The following KAT14 variants were observed in gnomAD, a reference collection of about 807,000 sequenced individuals.
The protein encoded by KAT14 is lysine acetyltransferase 14.
A neutral mutation model predicts 78.4 loss-of-function variants in KAT14; 66 were observed. The observed-to-expected ratio is 0.84, with a 90% CI of 0.69 to 1.03. The LOEUF is 1.03. Among genes scored for constraint, KAT14 ranks in the 50% least tolerant of loss-of-function variants. The pLI is 0.00. For missense variants in KAT14, 870 were observed against 972.5 expected (o/e 0.89, Z 1.40); for synonymous variants, 344 against 359.4 (o/e 0.96, Z 0.48).
At chr20:18,152,090 T>C (rs2038069110) in intron 4 of KAT14, among the ~76,000 whole-genome samples, 2 of 152,144 alleles carry the variant, frequency 1.3e-5, no homozygotes, top group African/African-American at 4.8e-5. Context: ...AGAGTTGTAT[T>C]ACATGAGACT....
chr20:18,159,520 G>T (rs960533271), intron 5 of KAT14, among the ~76,000 whole-genome samples: 5 of 152,152 alleles, frequency 3.3e-5, no homozygotes, highest in African/African-American at 1.2e-4. Context: ...TTTCCATCTG[G>T]TTTTTGTTTT....
At position 18,150,941 on chromosome 20, in the gene KAT14, AGGT is replaced by A; in HGVS notation, c.500_500+2del. On this transcript the variant is annotated splice_donor_variant and coding_sequence_variant, in exon 4 of 11. Coordinates refer to ENST00000688188, the MANE Select transcript of KAT14 (RefSeq NM_001392073.1). LOFTEE classifies it high-confidence loss of function. ...ACATTGGACTTTTTTACTAGGGAAT[AGGT>A]AATGTGTTTTTAAAAAATCTTATAC... The A allele has an allele frequency of 1.9e-6, 3 of 1,613,736 alleles. No individual in the cohort carries two copies. The highest frequency in any genetic ancestry group is 2.5e-6 in the Non-Finnish European group (3 of 1,179,804).
At chr20:18,159,705 C>G (rs974553961) in intron 5 of KAT14, among the ~76,000 whole-genome samples, 1 of 152,146 alleles carries the variant, frequency 6.6e-6, no homozygotes, top group Non-Finnish European at 1.5e-5. Flanking sequence ...TATTTAGAAA[C>G]AAATCCCAGG....
chr20:18,178,108 A>AG (rs1359847149), intron 7 of KAT14, among the ~76,000 whole-genome samples: 1 of 186 alleles, frequency 5.4e-3, no homozygotes, highest in African/African-American at 8.3e-3. Context: ...ACTCTATCTC[A>AG]AAAAAAAAAC....
At chr20:18,160,755 C>G (rs1193844023) in intron 5 of KAT14, among the ~76,000 whole-genome samples, 3 of 151,998 alleles carry the variant, frequency 2.0e-5, no homozygotes, top group Admixed American at 6.6e-5. Flanking sequence ...CCTTTTGTTA[C>G]TTTAAACAGT....
intron 4 of KAT14, 97 bp downstream of exon 4, chr20:18,151,039 A>G (rs1284045080): frequency 1.3e-6 from 2 of 1,486,434 alleles, no homozygotes; most frequent in Non-Finnish European, 1.8e-6. Flanking sequence ...TTAGAGATTT[A>G]TTTTAATTTT....
chr20:18,186,938 T>G (rs1296059706), intron 10 of KAT14, among the ~76,000 whole-genome samples: 1 of 152,228 alleles, frequency 6.6e-6, no homozygotes, highest in Non-Finnish European at 1.5e-5. Flanking sequence ...TTTGTATTTA[T>G]TCAAGGTTAT....
Position 18,163,092 on chromosome 20 carries a change from C to G in KAT14, c.1668+147C>G, listed in dbSNP as rs552028615. 3.7e-6 allele frequency: 4 copies of G among 1,079,484 alleles called. No homozygotes were observed. The African/African-American group carries it at 6.4e-5, about 17-fold the overall frequency. 66.9% of individuals were successfully genotyped at this position (1,079,484 alleles called of 1,614,324 possible). ...AAGTAAAGTGCAAGGGAAAAAAATA[C>G]AAAAATCGCTGGGCTTTATTTTTCA... On this transcript the variant is annotated intron_variant, in intron 7 of 10. Transcript: ENST00000688188.
Position 18,143,608 on chromosome 20 carries a change from C to G in KAT14, c.259+689C>G, listed in dbSNP as rs1426278480. Reference sequence around the variant, plus strand: ...GGGATTATAGTGTTTGCCAGCACACCTGGCTAATTTTTTTTTTTATTTTAT... The same window carrying G: ...GGGATTATAGTGTTTGCCAGCACACGTGGCTAATTTTTTTTTTTATTTTAT... On this transcript the variant is annotated intron_variant, in intron 2 of 10. Coordinates refer to ENST00000688188, the MANE Select transcript of KAT14 (RefSeq NM_001392073.1). Among the ~76,000 whole-genome samples the G allele has an allele frequency of 3.6e-5, 5 of 140,818 alleles. No homozygotes were observed. The East Asian group carries it at 6.0e-4, about 17-fold the overall frequency. 92.4% of individuals were successfully genotyped at this position (140,818 alleles called of 152,430 possible). A position where few individuals can be genotyped will look rare whatever the true frequency, so the allele number is the denominator to read the frequency against.
Position 18,153,145 on chromosome 20 carries a change from C to T in KAT14, c.500+2203C>T, listed in dbSNP as rs557546638. 5.2e-4 allele frequency among the ~76,000 whole-genome samples: 79 copies of T among 152,286 alleles called. 1 individual carries two copies. Among genetic ancestry groups the T allele is most frequent in the Non-Finnish European group, 1.0e-3 (70 of 68,028 alleles). On this transcript the variant is annotated intron_variant, in intron 4 of 10. Coordinates refer to ENST00000688188, the MANE Select transcript of KAT14 (RefSeq NM_001392073.1). ...AGGGCAGGGAGTTCATGCCTTTCCT[C>T]ACTTGGGGTTCACTGCAGCCTCTGT...
chr20:18,140,979 T>G, intron 1 of KAT14, among the ~76,000 whole-genome samples: 1 of 144,016 alleles, frequency 6.9e-6, no homozygotes, highest in Admixed American at 7.0e-5. Flanking sequence ...CACCTCAGCC[T>G]CCGGAGTAGC....
rs1227095571 is a variant in KAT14, at chr20:18,161,951, A to G, written c.811A>G (p.Arg271Gly). 6.2e-7 allele frequency: 1 copy of G among 1,614,170 alleles called. No individual in the cohort carries two copies. Among genetic ancestry groups the G allele is most frequent in the Non-Finnish European group, 8.5e-7 (1 of 1,180,052 alleles). Residue 271 changes from arginine (R) to glycine (G), a missense_variant, in exon 6 of 11, where the codon AGA (arginine) becomes GGA (glycine). Arg to Gly is a moderately radical substitution (Grantham distance 125). Coordinates refer to ENST00000688188, the MANE Select transcript of KAT14 (RefSeq NM_001392073.1). Reference sequence around the variant, plus strand: ...TCGAACTCAGGAAGCAAAAGACATTAGAAGAGCCCAGAAGGAGGCCGCTGG... The same window carrying G: ...TCGAACTCAGGAAGCAAAAGACATTGGAAGAGCCCAGAAGGAGGCCGCTGG... ...RSRTQEAKDI[R>G]RAQKEAAGFL...
At chr20:18,138,241 C>T (rs1032644924) in intron 1 of KAT14, 190 bp downstream of exon 1, 16 of 1,243,972 alleles carry the variant, frequency 1.3e-5, no homozygotes, top group Non-Finnish European at 1.6e-5. Context: ...GCTGCAGCTC[C>T]CGGCGGGCGT....
intron 1 of KAT14, chr20:18,138,269 A>G: frequency 8.2e-7 from 1 of 1,225,144 alleles, no homozygotes; most frequent in Non-Finnish European, 1.0e-6. Flanking sequence ...CCGCAGATTC[A>G]GGACGACCCG....
intron 3 of KAT14, among the ~76,000 whole-genome samples, chr20:18,149,794 A>G (rs889526065): frequency 1.1e-4 from 17 of 151,976 alleles, no homozygotes; most frequent in African/African-American, 4.1e-4. Flanking sequence ...TACTGAAAAT[A>G]CAAAAATTAG....
At chr20:18,172,112 TTTTA>T (rs1169682717) in intron 7 of KAT14, among the ~76,000 whole-genome samples, 1 of 152,130 alleles carries the variant, frequency 6.6e-6, no homozygotes, top group East Asian at 1.9e-4. Flanking sequence ...ACTTTTTTTT[TTTTA>T]TTTGAGACAG....
intron 7 of KAT14, among the ~76,000 whole-genome samples, chr20:18,165,474 A>T (rs2038605426): frequency 1.3e-5 from 2 of 152,170 alleles, no homozygotes; most frequent in African/African-American, 4.8e-5. Flanking sequence ...AGCTAAGAGA[A>T]GGGCACAGAA....
At chr20:18,146,119 C>G (rs2037816808) in intron 3 of KAT14, among the ~76,000 whole-genome samples, 1 of 152,322 alleles carries the variant, frequency 6.6e-6, no homozygotes, top group South Asian at 2.1e-4. Flanking sequence ...TCTAAGTCAG[C>G]TGTATCCTAA....
chr20:18,183,355 A>G (rs1181252355), intron 9 of KAT14, 57 bp downstream of exon 9: 2 of 1,493,230 alleles, frequency 1.3e-6, no homozygotes, highest in Non-Finnish European at 1.8e-6. Flanking sequence ...CATTCTAGCA[A>G]TTTTTAAAAT....
Sources: allele counts gnomAD v4.1 joint callset (sites outside exome capture counted in the v4.1 genomes callset), GRCh38; gene constraint gnomAD v4.1.1; transcripts MANE v1.5; gene names NCBI Gene and HGNC (gene_info 2026-07-23, HGNC 2026-07-21).